The following SAMD4A variants were observed in gnomAD, a reference collection of about 807,000 sequenced individuals.
The protein encoded by SAMD4A is sterile alpha motif domain containing 4A, also known as protein Smaug homolog 1.
A neutral mutation model predicts 81.3 loss-of-function variants in SAMD4A; 33 were observed. That is an observed-to-expected ratio of 0.41 (90% CI 0.31 to 0.54). SAMD4A has a LOEUF of 0.54. Among genes scored for constraint, SAMD4A ranks in the 20% least tolerant of loss-of-function variants. The pLI, the probability that SAMD4A is intolerant of heterozygous loss-of-function variation, is 0.37. For synonymous variants in SAMD4A, 389 were observed against 382.1 expected (o/e 1.02, Z -0.21); for missense variants, 854 against 951.1 (o/e 0.90, Z 1.34).
intron 3 of SAMD4A, among the ~76,000 whole-genome samples, chr14:54,725,888 C>T (rs151216389): frequency 0.016 from 2,444 of 152,224 alleles, 35 homozygotes; most frequent in Middle Eastern, 0.099. Flanking sequence ...TGATGCCTAC[C>T]CCAACGTCAA....
chr14:54,643,444 C>T (rs553944769), intron 2 of SAMD4A, among the ~76,000 whole-genome samples: 1 of 152,328 alleles, frequency 6.6e-6, no homozygotes, highest in African/African-American at 2.4e-5. Context: ...CAGACATTGG[C>T]AAATGTCAGT....
At chr14:54,582,727 A>AATT (rs2033503696) in intron 2 of SAMD4A, among the ~76,000 whole-genome samples, 1 of 152,196 alleles carries the variant, frequency 6.6e-6, no homozygotes, top group Non-Finnish European at 1.5e-5. Context: ...TGCTGTTATC[A>AATT]ATTATACATT....
intron 12 of SAMD4A, among the ~76,000 whole-genome samples, chr14:54,787,384 TCTC>T (rs920580221): frequency 2.0e-5 from 3 of 152,150 alleles, no homozygotes; most frequent in African/African-American, 7.2e-5. Context: ...AGGAAGTGCT[TCTC>T]CTCCAAGGCC....
In SAMD4A at chr14:54,737,104, C is replaced by T. The variant is rs778695279; in HGVS notation, c.796C>T (p.Leu266=). ...TPPMNVPNQP[L]GHGWMSHEDL... ...ACCCATGAATGTGCCAAACCAGCCT[C>T]TAGGACATGGATGGATGTCTCATGA... The change falls in exon 4 of 13, where the codon CTA becomes TTA. Residue 266 remains leucine (L), a synonymous_variant. Coordinates refer to ENST00000554335, the MANE Select transcript of SAMD4A (RefSeq NM_015589.6). The T allele has an allele frequency of 1.1e-5, 17 of 1,614,020 alleles. No individual in the cohort carries two copies. The highest frequency in any genetic ancestry group is 1.4e-5 in the Non-Finnish European group (16 of 1,180,020).
At chr14:54,680,703 C>T (rs1019171281) in intron 2 of SAMD4A, among the ~76,000 whole-genome samples, 3 of 152,142 alleles carry the variant, frequency 2.0e-5, no homozygotes, top group South Asian at 2.1e-4. Context: ...GGTAGTTAAG[C>T]GGTTTATATT....
At chr14:54,680,333 A>AT (rs1415348173) in intron 2 of SAMD4A, among the ~76,000 whole-genome samples, 2 of 152,210 alleles carry the variant, frequency 1.3e-5, no homozygotes, top group Non-Finnish European at 2.9e-5. Context: ...ATTGCCACTC[A>AT]TTTTTTAACA....
intron 2 of SAMD4A, among the ~76,000 whole-genome samples, chr14:54,605,430 A>G (rs1295049513): frequency 1.3e-5 from 2 of 152,198 alleles, no homozygotes; most frequent in African/African-American, 4.8e-5. Context: ...TGAAGTTCCA[A>G]AGAGCCAAGA....
intron 2 of SAMD4A, among the ~76,000 whole-genome samples, chr14:54,613,337 AGG>A (rs2034411596): frequency 6.6e-6 from 1 of 152,180 alleles, no homozygotes; most frequent in Non-Finnish European, 1.5e-5. Context: ...GGAGCAGGTT[AGG>A]GTGAAATGAA....
chr14:54,665,186 G>T (rs537707480), intron 2 of SAMD4A, among the ~76,000 whole-genome samples: 2 of 152,246 alleles, frequency 1.3e-5, no homozygotes, highest in South Asian at 2.1e-4. Flanking sequence ...TGAGGTGATT[G>T]TTATCTTTAA....
intron 2 of SAMD4A, among the ~76,000 whole-genome samples, chr14:54,638,477 T>A (rs1223528749): frequency 6.6e-6 from 1 of 152,190 alleles, no homozygotes; most frequent in Non-Finnish European, 1.5e-5. Flanking sequence ...GCATTATGGA[T>A]ATTGTCATCT....
At position 54,782,082 on chromosome 14, in the gene SAMD4A, C is replaced by T. The variant is rs769358805; in HGVS notation, c.2045-2455C>T. 1.0e-3 allele frequency among the ~76,000 whole-genome samples: 157 copies of T among 152,282 alleles called. 1 individual carries two copies. The highest frequency in any genetic ancestry group is 1.1e-3 in the Non-Finnish European group (73 of 68,014). On this transcript the variant is annotated intron_variant, in intron 11 of 12. Transcript: ENST00000554335. ...CACTTCCCACCTAAAAGAGCAGCCACGAAGGTTTGGGGATTCTGGAGCGGA... is the reference window on the plus strand; with the variant it reads ...CACTTCCCACCTAAAAGAGCAGCCATGAAGGTTTGGGGATTCTGGAGCGGA...
chr14:54,566,623 C>T (rs2032942897), upstream of SAMD4A, among the ~76,000 whole-genome samples: 1 of 151,732 alleles, frequency 6.6e-6, no homozygotes, highest in Non-Finnish European at 1.5e-5. Flanking sequence ...GCGCTGCGGA[C>T]CCCGGCCGTC....
At chr14:54,764,909 C>T (rs763415763) in intron 8 of SAMD4A, among the ~76,000 whole-genome samples, 1 of 152,144 alleles carries the variant, frequency 6.6e-6, no homozygotes, top group Non-Finnish European at 1.5e-5. Flanking sequence ...TGCCTTTTAG[C>T]TCAGGGAACT....
At chr14:54,666,645 T>A (rs1203819344) in intron 2 of SAMD4A, among the ~76,000 whole-genome samples, 1 of 152,224 alleles carries the variant, frequency 6.6e-6, no homozygotes, top group African/African-American at 2.4e-5. Flanking sequence ...TTGATTATAA[T>A]TGTATTAGCT....
intron 2 of SAMD4A, among the ~76,000 whole-genome samples, chr14:54,632,812 G>A (rs1050666217): frequency 1.3e-5 from 2 of 152,122 alleles, no homozygotes; most frequent in East Asian, 1.9e-4. Context: ...TCTAAAATAG[G>A]ACGTATAACA....
intron 2 of SAMD4A, among the ~76,000 whole-genome samples, chr14:54,569,613 G>A (rs886558911): frequency 1.3e-5 from 2 of 152,232 alleles, no homozygotes; most frequent in African/African-American, 4.8e-5. Context: ...AAGCATAATT[G>A]GGTAACTGAT....
chr14:54,705,493 G>C (rs1324714505), intron 3 of SAMD4A, among the ~76,000 whole-genome samples: 1 of 152,204 alleles, frequency 6.6e-6, no homozygotes, highest in Non-Finnish European at 1.5e-5. Context: ...AAATCAATTA[G>C]TACTACACAT....
At chr14:54,637,065 C>G (rs1238159198) in intron 2 of SAMD4A, among the ~76,000 whole-genome samples, 3 of 151,982 alleles carry the variant, frequency 2.0e-5, no homozygotes, top group Non-Finnish European at 4.4e-5. Flanking sequence ...GTCATTTCAA[C>G]ATTAAGAGGC....
intron 2 of SAMD4A, chr14:54,685,914 T>A (rs1199341819): frequency 2.2e-6 from 1 of 455,164 alleles, no homozygotes; most frequent in Admixed American, 2.4e-5. Flanking sequence ...TTAAATTATC[T>A]ACCAGTCAGG....
Sources: allele counts gnomAD v4.1 joint callset (sites outside exome capture counted in the v4.1 genomes callset), GRCh38; gene constraint gnomAD v4.1.1; transcripts MANE v1.5; gene names NCBI Gene and HGNC (gene_info 2026-07-23, HGNC 2026-07-21).